The following PPP2R2C variants were observed in gnomAD, a reference collection of about 807,000 sequenced individuals.
PPP2R2C encodes the protein protein phosphatase 2, regulatory subunit B, gamma.
PPP2R2C carries 10 observed loss-of-function variants against 45.3 expected under a neutral mutation model. The ratio of observed to expected loss-of-function variants is 0.22; its 90% CI spans 0.14 to 0.37. The LOEUF is 0.37. Ranked by LOEUF, PPP2R2C falls within the 10% of genes least tolerant of loss-of-function variation. The probability of loss-of-function intolerance (pLI) is 1.00; values close to 1 mark genes in which losing one functional copy is unlikely to be tolerated. For missense variants in PPP2R2C, 308 were observed against 619.7 expected (o/e 0.50, Z 5.34); for synonymous variants, 257 against 245.4 (o/e 1.05, Z -0.44).
intron 1 of PPP2R2C, among the ~76,000 whole-genome samples, chr4:6,403,846 G>C (rs1717609395): frequency 6.9e-6 from 1 of 145,682 alleles, no homozygotes; most frequent in Non-Finnish European, 1.5e-5. Flanking sequence ...CTGGGTGACA[G>C]AGTGAAACTC....
chr4:6,431,812 G>A (rs1256260704), intron 1 of PPP2R2C, among the ~76,000 whole-genome samples: 3 of 152,166 alleles, frequency 2.0e-5, no homozygotes, highest in African/African-American at 7.2e-5. Context: ...CGTGGACTTA[G>A]TCATTTGGGG....
At chr4:6,458,580 G>A (rs145675501) in intron 1 of PPP2R2C, among the ~76,000 whole-genome samples, 1 of 152,302 alleles carries the variant, frequency 6.6e-6, no homozygotes, top group Non-Finnish European at 1.5e-5. Context: ...TGAATTTGGA[G>A]GGGGTACTTA....
rs567889158 is a variant in PPP2R2C, at chr4:6,426,479, G to A, written c.71-45385C>T. ...AAGAACAGACTGACCAGGAGAGACAGAGCCCCAGACTGGGTGCAGCCACTC... is the reference window on the plus strand; with the variant it reads ...AAGAACAGACTGACCAGGAGAGACAAAGCCCCAGACTGGGTGCAGCCACTC... On this transcript the variant is annotated intron_variant, in intron 1 of 8. Coordinates refer to ENST00000382599, the MANE Select transcript of PPP2R2C (RefSeq NM_020416.4). 1.2e-4 allele frequency among the ~76,000 whole-genome samples: 19 copies of A among 152,332 alleles called. 1 individual carries two copies. In the South Asian group the frequency reaches 3.9e-3, roughly 32 times the overall value.
intron 1 of PPP2R2C, among the ~76,000 whole-genome samples, chr4:6,461,169 C>A (rs1439204386): frequency 6.6e-6 from 1 of 152,182 alleles, no homozygotes; most frequent in African/African-American, 2.4e-5. Context: ...TCCTAGCCAC[C>A]GCATGACTCT....
At chr4:6,494,073 G>A (rs1004491907) in intron 2 of PPP2R2C, among the ~76,000 whole-genome samples, 22 of 152,262 alleles carry the variant, frequency 1.4e-4, no homozygotes, top group African/African-American at 3.9e-4. Flanking sequence ...TGATTTTTCC[G>A]CCTGAGTCTT....
At chr4:6,493,030 A>G (rs1022303242) in intron 2 of PPP2R2C, among the ~76,000 whole-genome samples, 3 of 151,956 alleles carry the variant, frequency 2.0e-5, no homozygotes, top group Non-Finnish European at 4.4e-5. Context: ...CCAGCTCAAC[A>G]TGCATACCCT....
intron 1 of PPP2R2C, chr4:6,421,097 C>G: frequency 1.0e-6 from 1 of 985,234 alleles, no homozygotes; most frequent in Non-Finnish European, 1.2e-6. Context: ...ACACCTTTCT[C>G]TCTGTTTCCC....
chr4:6,487,928 A>C (rs1722579152), intron 2 of PPP2R2C, among the ~76,000 whole-genome samples: 1 of 150,974 alleles, frequency 6.6e-6, no homozygotes, highest in Non-Finnish European at 1.5e-5. Flanking sequence ...TTATCTTTTT[A>C]CTCTCTATAT....
chr4:6,523,831 AC>A (rs1402627093), intron 2 of PPP2R2C, among the ~76,000 whole-genome samples: 1 of 152,232 alleles, frequency 6.6e-6, no homozygotes. Flanking sequence ...CCATCCATCC[AC>A]AGACGAATGG....
At chr4:6,438,205 G>A (rs1033400050) in intron 1 of PPP2R2C, among the ~76,000 whole-genome samples, 2 of 152,220 alleles carry the variant, frequency 1.3e-5, no homozygotes, top group African/African-American at 2.4e-5. Flanking sequence ...CATTGCCTTT[G>A]CAAAGTAGGT....
chr4:6,366,419 T>C (rs897379881), intron 5 of PPP2R2C, among the ~76,000 whole-genome samples: 2 of 152,164 alleles, frequency 1.3e-5, no homozygotes, highest in African/African-American at 4.8e-5. Flanking sequence ...TCCAGCCCAC[T>C]CCACCTACAA....
At chr4:6,555,254 A>G (rs567045439) in intron 1 of PPP2R2C, among the ~76,000 whole-genome samples, 2 of 152,196 alleles carry the variant, frequency 1.3e-5, no homozygotes, top group Non-Finnish European at 2.9e-5. Flanking sequence ...GCACAGGACT[A>G]CTGGAGAGAT....
At chr4:6,469,954 T>G (rs1721779811) in intron 1 of PPP2R2C, among the ~76,000 whole-genome samples, 1 of 152,236 alleles carries the variant, frequency 6.6e-6, no homozygotes, top group African/African-American at 2.4e-5. Context: ...AGGCCAGGCC[T>G]TGGTTTGTTC....
At chr4:6,381,621 T>TG in intron 1 of PPP2R2C, 1 of 1,488,274 alleles carries the variant, frequency 6.7e-7, no homozygotes. Flanking sequence ...TCCTGCTCTG[T>TG]GGCCCCACCT....
chr4:6,519,777 C>A (rs1208794114), intron 2 of PPP2R2C, among the ~76,000 whole-genome samples: 2 of 152,272 alleles, frequency 1.3e-5, no homozygotes, highest in African/African-American at 4.8e-5. Flanking sequence ...TGTGTGCCAG[C>A]AACCAAGCCC....
chr4:6,487,279 C>T (rs73207875), intron 2 of PPP2R2C, among the ~76,000 whole-genome samples: 2 of 151,212 alleles, frequency 1.3e-5, no homozygotes, highest in African/African-American at 4.9e-5. Flanking sequence ...ATATCATATC[C>T]GACCTATGTA....
rs190102754 is a variant in PPP2R2C, at chr4:6,376,956, C to G, written c.335-1025G>C. ...AGAACACCATCAGAACAGCAGGTGC[C>G]CAGAGAGGGGGTGAACCGGAGTTAA... On this transcript the variant is annotated intron_variant, in intron 3 of 8. Transcript: ENST00000382599. Among the ~76,000 whole-genome samples, 5 of 152,190 alleles carry G rather than the reference C, an allele frequency of 3.3e-5. No homozygotes were observed. In the East Asian group the frequency reaches 9.7e-4, roughly 30 times the overall value.
chr4:6,373,282 T>A (rs1212984364), intron 4 of PPP2R2C, among the ~76,000 whole-genome samples: 1 of 152,182 alleles, frequency 6.6e-6, no homozygotes, highest in Non-Finnish European at 1.5e-5. Flanking sequence ...AACCAGCACA[T>A]CCACATCGAA....
At chr4:6,476,300 A>G (rs1263009684), upstream of PPP2R2C, among the ~76,000 whole-genome samples, 1 of 152,124 alleles carries the variant, frequency 6.6e-6, no homozygotes, top group Non-Finnish European at 1.5e-5. Context: ...TGGACTGAAC[A>G]GCTGTTGACT....
Sources: gnomAD v4.1 joint callset for allele counts (sites outside exome capture counted in the v4.1 genomes callset) on GRCh38, gnomAD v4.1.1 for gene constraint, MANE v1.5 for transcripts, NCBI Gene and HGNC (gene_info 2026-07-23, HGNC 2026-07-21) for gene names.